Variants in SH3RF2 observed in about 807,000 individuals in gnomAD.
SH3RF2 encodes SH3 domain containing ring finger 2, also known as E3 ubiquitin-protein ligase SH3RF2.
A neutral mutation model predicts 59.0 loss-of-function variants in SH3RF2; 43 were observed. That is an observed-to-expected ratio of 0.73 (90% CI 0.57 to 0.94). SH3RF2 has a LOEUF of 0.94. Among genes scored for constraint, SH3RF2 ranks in the 40% least tolerant of loss-of-function variants. SH3RF2 has a pLI of 0.00. For missense variants in SH3RF2, 930 were observed against 940.1 expected, an observed-to-expected ratio of 0.99 and a Z score of 0.14; for synonymous variants, 391 against 391.5, an observed-to-expected ratio of 1.00 and a Z score of 0.01.
At chr5:146,024,110 T>C (rs954383715) in intron 5 of SH3RF2, among the ~76,000 whole-genome samples, 1 of 152,242 alleles carries the variant, frequency 6.6e-6, no homozygotes, top group Non-Finnish European at 1.5e-5. Flanking sequence ...TACCTAGAAG[T>C]GGAACTGTTA....
At chr5:145,991,352 C>T (rs1449587259) in intron 2 of SH3RF2, among the ~76,000 whole-genome samples, 1 of 152,136 alleles carries the variant, frequency 6.6e-6, no homozygotes, top group Non-Finnish European at 1.5e-5. Context: ...ATGGAAAGTG[C>T]AGTAGTGCAA....
intron 4 of SH3RF2, among the ~76,000 whole-genome samples, chr5:146,011,914 T>A (rs1760918009): frequency 6.6e-6 from 1 of 152,186 alleles, no homozygotes; most frequent in South Asian, 2.1e-4. Context: ...CTTCCAACAC[T>A]ATGTTAAATA....
intron 4 of SH3RF2, among the ~76,000 whole-genome samples, chr5:146,006,187 C>T (rs1415616818): frequency 3.3e-5 from 5 of 152,166 alleles, no homozygotes; most frequent in South Asian, 4.2e-4. Context: ...ACATTGGGGG[C>T]CAAGGCAGAA....
At position 146,022,874 on chromosome 5, in the gene SH3RF2, AACACACACACACACACACACAC is replaced by A. The variant is rs57377156; in HGVS notation, c.1059+8841_1059+8862del. Among the ~76,000 whole-genome samples the A allele has an allele frequency of 1.5e-4, 21 of 141,962 alleles. 1 individual carries two copies. The highest frequency in any genetic ancestry group is 2.0e-4 in the Non-Finnish European group (13 of 65,680). 93.1% of individuals were successfully genotyped at this position (141,962 alleles called of 152,430 possible). A position where few individuals can be genotyped will look rare whatever the true frequency, so the allele number is the denominator to read the frequency against. On this transcript the variant is annotated intron_variant, in intron 5 of 9. Coordinates refer to ENST00000359120, the MANE Select transcript of SH3RF2 (RefSeq NM_152550.4). Reference sequence around the variant, plus strand: ...GTGACACAGAGCAAGGCTCCATCTAAACACACACACACACACACACACACACACACACACACACACACACACA... The same window carrying A: ...GTGACACAGAGCAAGGCTCCATCTAAACACACACACACACACACACACACA...
intron 2 of SH3RF2, among the ~76,000 whole-genome samples, chr5:145,955,684 G>A (rs554722633): frequency 1.1e-4 from 17 of 152,140 alleles, no homozygotes; most frequent in East Asian, 1.9e-4. Context: ...TTGTCCTGTC[G>A]GAAGGGCATT....
intron 2 of SH3RF2, chr5:145,997,915 C>A: frequency 1.2e-6 from 1 of 858,090 alleles, no homozygotes. Context: ...AAATCAGAAT[C>A]CACCTCAGGT....
intron 7 of SH3RF2, among the ~76,000 whole-genome samples, chr5:146,055,639 A>C (rs1762637872): frequency 6.6e-6 from 1 of 152,220 alleles, no homozygotes; most frequent in African/African-American, 2.4e-5. Flanking sequence ...CACATATAGG[A>C]TCTTATGCTC....
intron 2 of SH3RF2, among the ~76,000 whole-genome samples, chr5:145,988,636 T>C (rs1201008443): frequency 6.6e-6 from 1 of 152,090 alleles, no homozygotes; most frequent in Non-Finnish European, 1.5e-5. Context: ...TAAAGTTTTC[T>C]ATGAAAAAAA....
At chr5:145,970,735 A>G (rs984400438) in intron 2 of SH3RF2, among the ~76,000 whole-genome samples, 1 of 152,200 alleles carries the variant, frequency 6.6e-6, no homozygotes, top group Non-Finnish European at 1.5e-5. Context: ...AGACTAAGAC[A>G]CCTAGTAAAC....
rs1435418820 is a variant in SH3RF2 at position 146,060,093 on chromosome 5, T to C, written c.1783T>C (p.Ser595Pro). 1.2e-6 allele frequency: 2 copies of C among 1,613,890 alleles called. No individual in the cohort carries two copies. The highest frequency in any genetic ancestry group is 1.7e-6 in the Non-Finnish European group (2 of 1,179,970). ...CAGGGGCAGTGAGGCCTGGATCCAC[T>C]CCGCGGCCAGCTCCCTCATTATGGA... ...ISRGSEAWIH[S>P]AASSLIMEDK... Residue 595 changes from serine (S) to proline (P), a missense_variant, in exon 9 of 10, where the codon TCC becomes CCC. Transcript: ENST00000359120.
At chr5:146,056,254 T>TG in intron 8 of SH3RF2, 41 bp downstream of exon 8, 1 of 1,613,324 alleles carries the variant, frequency 6.2e-7, no homozygotes, top group Non-Finnish European at 8.5e-7. Context: ...AGCTAAGTGA[T>TG]GGGGGGAATC....
intron 5 of SH3RF2, among the ~76,000 whole-genome samples, chr5:146,039,412 A>T (rs1169218720): frequency 6.6e-6 from 1 of 152,172 alleles, no homozygotes; most frequent in Non-Finnish European, 1.5e-5. Flanking sequence ...AAAATAATAA[A>T]TAACCCCATG....
At chr5:146,004,378 T>A (rs975957114) in intron 4 of SH3RF2, among the ~76,000 whole-genome samples, 21 of 152,232 alleles carry the variant, frequency 1.4e-4, no homozygotes, top group Admixed American at 9.8e-4. Flanking sequence ...AAATCTCTCA[T>A]ATGCAAACTC....
intron 2 of SH3RF2, among the ~76,000 whole-genome samples, chr5:145,987,533 T>C (rs561225214): frequency 4.6e-5 from 7 of 152,304 alleles, no homozygotes; most frequent in African/African-American, 1.7e-4. Context: ...AAAGAGAATC[T>C]TCCCTACGTT....
Position 146,057,962 on chromosome 5 carries a change from C to CTA in SH3RF2, c.1555+1750_1555+1751insAT, listed in dbSNP as rs1446954688. On this transcript the variant is annotated intron_variant, in intron 8 of 9. Coordinates refer to ENST00000359120, the MANE Select transcript of SH3RF2 (RefSeq NM_152550.4). Reference sequence around the variant, plus strand: ...TCTCTCTCTCTCTCTCTCTCTCTCTCTCTCTCTATCTATCTATCTATCTAT... The same window carrying CTA: ...TCTCTCTCTCTCTCTCTCTCTCTCTCTATCTCTCTATCTATCTATCTATCTAT... 5.7e-3 allele frequency among the ~76,000 whole-genome samples: 438 copies of CTA among 76,528 alleles called. 2 individuals carry two copies. The highest frequency in any genetic ancestry group is 0.013 in the African/African-American group (378 of 28,416). The allele number at this position is 76,528 out of a possible 152,430, so 50.2% of individuals were successfully genotyped here.
intron 9 of SH3RF2, among the ~76,000 whole-genome samples, chr5:146,071,658 A>G (rs1295619619): frequency 1.3e-5 from 2 of 152,218 alleles, no homozygotes; most frequent in Non-Finnish European, 2.9e-5. Flanking sequence ...GAAGTAATTA[A>G]TATAATAGCT....
chr5:146,016,636 A>G (rs897460804), intron 5 of SH3RF2, among the ~76,000 whole-genome samples: 7 of 152,228 alleles, frequency 4.6e-5, no homozygotes, highest in Admixed American at 4.6e-4. Context: ...GTCTGGATTG[A>G]ATTTAGAATT....
intron 5 of SH3RF2, among the ~76,000 whole-genome samples, chr5:146,033,627 C>T (rs1287263297): frequency 2.0e-5 from 3 of 151,778 alleles, no homozygotes; most frequent in East Asian, 1.9e-4. Context: ...CGCACCACCA[C>T]GCCCAGCTAA....
chr5:146,074,657 T>C (rs1763306877), intron 9 of SH3RF2, among the ~76,000 whole-genome samples: 2 of 152,142 alleles, frequency 1.3e-5, no homozygotes, highest in South Asian at 4.1e-4. Flanking sequence ...ACATAAAATA[T>C]AATTTCCTTC....
Sources: gnomAD v4.1 joint callset for allele counts (sites outside exome capture counted in the v4.1 genomes callset) on GRCh38, gnomAD v4.1.1 for gene constraint, MANE v1.5 for transcripts, NCBI Gene and HGNC (gene_info 2026-07-23, HGNC 2026-07-21) for gene names.